The following PDZRN4 variants were observed in gnomAD, a reference collection of about 807,000 sequenced individuals.
PDZRN4 encodes the protein PDZ domain containing ring finger 4, also known as PDZ domain-containing RING finger protein 4.
A neutral mutation model predicts 99.0 loss-of-function variants in PDZRN4; 70 were observed. That is an observed-to-expected ratio of 0.71 (90% CI 0.58 to 0.86). The LOEUF (loss-of-function observed/expected upper bound fraction) is 0.86, where lower values mean the gene tolerates loss of function less well. Ranked by LOEUF, PDZRN4 falls within the 40% of genes least tolerant of loss-of-function variation. PDZRN4 has a pLI of 0.00. For missense variants in PDZRN4, 1,474 were observed against 1,331.2 expected, an observed-to-expected ratio of 1.11 and a Z score of -1.67; for synonymous variants, 551 against 501.6, an observed-to-expected ratio of 1.10 and a Z score of -1.32.
chr12:41,392,541 A>G (rs1177584862), intron 3 of PDZRN4, among the ~76,000 whole-genome samples: 1 of 152,272 alleles, frequency 6.6e-6, no homozygotes, highest in East Asian at 1.9e-4. Flanking sequence ...AGAGTATGAT[A>G]TGTGTATTCT....
chr12:41,393,514 A>T (rs1347394106), intron 3 of PDZRN4, among the ~76,000 whole-genome samples: 1 of 152,176 alleles, frequency 6.6e-6, no homozygotes, highest in Non-Finnish European at 1.5e-5. Flanking sequence ...AAATAAAAAA[A>T]AAAAATGTAG....
intron 5 of PDZRN4, among the ~76,000 whole-genome samples, chr12:41,538,033 A>G (rs1938778895): frequency 6.6e-6 from 1 of 152,172 alleles, no homozygotes; most frequent in African/African-American, 2.4e-5. Flanking sequence ...TCCAGTAAAC[A>G]AGTTGATCAG....
intron 3 of PDZRN4, among the ~76,000 whole-genome samples, chr12:41,349,284 G>A (rs188513157): frequency 4.0e-5 from 6 of 151,464 alleles, no homozygotes; most frequent in East Asian, 3.9e-4. Context: ...TATAAGAAGG[G>A]GAATTTCCAC....
chr12:41,433,713 C>G (rs895229511), intron 3 of PDZRN4, among the ~76,000 whole-genome samples: 3 of 152,228 alleles, frequency 2.0e-5, no homozygotes, highest in Non-Finnish European at 4.4e-5. Flanking sequence ...TTTATGACAG[C>G]TGTCACAGGC....
chr12:41,490,151 T>TG (rs1937855366), intron 3 of PDZRN4, among the ~76,000 whole-genome samples: 1 of 152,112 alleles, frequency 6.6e-6, no homozygotes, highest in Non-Finnish European at 1.5e-5. Context: ...AATATTGGAG[T>TG]GATAATTAAC....
chr12:41,207,940 T>C (rs1384346452), intron 3 of PDZRN4, among the ~76,000 whole-genome samples: 2 of 137,376 alleles, frequency 1.5e-5, no homozygotes, highest in Non-Finnish European at 3.3e-5. Flanking sequence ...GTATTAGCCA[T>C]GTTTACAGTT....
intron 3 of PDZRN4, among the ~76,000 whole-genome samples, chr12:41,260,617 A>G (rs7971737): frequency 0.054 from 8,233 of 152,198 alleles, 245 homozygotes; most frequent in Non-Finnish European, 0.06. Flanking sequence ...TATTTGCTAC[A>G]TTTTCAGCAA....
At chr12:41,236,176 T>C (rs1287428250) in intron 3 of PDZRN4, among the ~76,000 whole-genome samples, 1 of 152,118 alleles carries the variant, frequency 6.6e-6, no homozygotes, top group Admixed American at 6.6e-5. Context: ...CAGATAAAAG[T>C]AAATGTACAA....
intron 3 of PDZRN4, among the ~76,000 whole-genome samples, chr12:41,387,281 C>A (rs890048938): frequency 1.3e-5 from 2 of 152,138 alleles, no homozygotes; most frequent in East Asian, 3.9e-4. Context: ...AAACAAACAA[C>A]CCCATTAAAA....
chr12:41,206,870 A>G (rs1950854562), intron 3 of PDZRN4, among the ~76,000 whole-genome samples: 1 of 151,894 alleles, frequency 6.6e-6, no homozygotes, highest in Admixed American at 6.6e-5. Context: ...TGACATTATC[A>G]TGTTTGATCA....
chr12:41,539,837 G>T (rs1242791140), intron 5 of PDZRN4, among the ~76,000 whole-genome samples: 3 of 152,128 alleles, frequency 2.0e-5, no homozygotes, highest in African/African-American at 7.2e-5. Flanking sequence ...TCCCAGTCTG[G>T]AATTCAATGT....
At chr12:41,416,471 C>T (rs763925164) in intron 3 of PDZRN4, among the ~76,000 whole-genome samples, 1 of 151,924 alleles carries the variant, frequency 6.6e-6, no homozygotes, top group Non-Finnish European at 1.5e-5. Context: ...ATGGTGAAAC[C>T]CTGTCTCTAC....
intron 7 of PDZRN4, 36 bp downstream of exon 7, chr12:41,555,796 A>G: frequency 6.7e-7 from 1 of 1,481,958 alleles, no homozygotes; most frequent in Non-Finnish European, 9.4e-7. Flanking sequence ...GTTCCCCACG[A>G]TCTGTCCAAA....
At chr12:41,400,224 G>T (rs538508869) in intron 3 of PDZRN4, among the ~76,000 whole-genome samples, 1 of 152,190 alleles carries the variant, frequency 6.6e-6, no homozygotes, top group East Asian at 1.9e-4. Flanking sequence ...ACTGAAATCT[G>T]ACAGAAACCA....
At chr12:41,232,986 C>T (rs4768336) in intron 3 of PDZRN4, among the ~76,000 whole-genome samples, 101,625 of 151,822 alleles carry the variant, frequency 0.67, 34,127 homozygotes, top group East Asian at 0.74. Context: ...TGTAGATATG[C>T]GGCATTATTT....
At chr12:41,360,994 AC>A (rs1452887264) in intron 3 of PDZRN4, among the ~76,000 whole-genome samples, 1 of 151,870 alleles carries the variant, frequency 6.6e-6, no homozygotes, top group African/African-American at 2.4e-5. Flanking sequence ...TGGAACATAC[AC>A]ATGTACATAC....
At chr12:41,400,246 T>G (rs1465431553) in intron 3 of PDZRN4, among the ~76,000 whole-genome samples, 2 of 152,166 alleles carry the variant, frequency 1.3e-5, no homozygotes, top group Non-Finnish European at 2.9e-5. Flanking sequence ...GGATGAATTT[T>G]GTAATAGACA....
chr12:41,464,491 A>C (rs1467890942), intron 3 of PDZRN4, among the ~76,000 whole-genome samples: 1 of 152,188 alleles, frequency 6.6e-6, no homozygotes, highest in Admixed American at 6.5e-5. Flanking sequence ...ATATTTAGAA[A>C]ATTACAAGCA....
intron 3 of PDZRN4, among the ~76,000 whole-genome samples, chr12:41,400,042 T>G (rs1265861093): frequency 6.6e-6 from 1 of 152,146 alleles, no homozygotes; most frequent in African/African-American, 2.4e-5. Context: ...ACTTGGGCTA[T>G]TGTGCAACTT....
Sources: gnomAD v4.1 joint callset for allele counts (sites outside exome capture counted in the v4.1 genomes callset) on GRCh38, gnomAD v4.1.1 for gene constraint, MANE v1.5 for transcripts, NCBI Gene and HGNC (gene_info 2026-07-23, HGNC 2026-07-21) for gene names.